The following MGMT variants were observed in gnomAD, a reference collection of about 807,000 sequenced individuals.
MGMT encodes O-6-methylguanine-DNA methyltransferase.
Under a neutral mutation model 15.9 loss-of-function variants are expected in MGMT, and 14 were observed. That is an observed-to-expected ratio of 0.88 (90% CI 0.58 to 1.37). MGMT has a LOEUF of 1.37. MGMT is among the 40% of genes most tolerant of loss of function. The pLI, the probability that MGMT is intolerant of heterozygous loss-of-function variation, is 0.00. For missense variants in MGMT, 282 were observed against 268.1 expected (o/e 1.05, Z -0.36); for synonymous variants, 130 against 118.2 (o/e 1.10, Z -0.65).
At chr10:129,470,140 C>A (rs1274668945) in intron 1 of MGMT, among the ~76,000 whole-genome samples, 6 of 152,266 alleles carry the variant, frequency 3.9e-5, no homozygotes, top group African/African-American at 1.2e-4. Context: ...GCCCTTCGCC[C>A]CACTCTTGTT....
intron 1 of MGMT, among the ~76,000 whole-genome samples, chr10:129,467,609 C>T (rs1300061423): frequency 1.3e-5 from 2 of 152,226 alleles, no homozygotes; most frequent in East Asian, 1.9e-4. Flanking sequence ...TTCTTCCTAC[C>T]CTTCCATGCT....
chr10:129,678,347 G>C (rs56880178), intron 2 of MGMT, among the ~76,000 whole-genome samples: 3 of 151,748 alleles, frequency 2.0e-5, no homozygotes, highest in African/African-American at 4.8e-5. Flanking sequence ...TCCAGGCCCC[G>C]CTGCCCTGGC....
intron 4 of MGMT, among the ~76,000 whole-genome samples, chr10:129,762,586 C>T (rs1445753666): frequency 6.6e-6 from 1 of 152,144 alleles, no homozygotes; most frequent in Non-Finnish European, 1.5e-5. Context: ...GAAAACTCCT[C>T]ACGACCCACC....
intron 2 of MGMT, among the ~76,000 whole-genome samples, chr10:129,551,691 CTCT>C (rs1248360741): frequency 2.0e-5 from 3 of 152,184 alleles, no homozygotes; most frequent in African/African-American, 7.2e-5. Context: ...TTTCCTTACT[CTCT>C]TATTTATTTA....
At chr10:129,641,294 TAAATA>T (rs948709869) in intron 2 of MGMT, among the ~76,000 whole-genome samples, 4 of 152,158 alleles carry the variant, frequency 2.6e-5, no homozygotes, top group Non-Finnish European at 5.9e-5. Context: ...TACAAAACCT[TAAATA>T]AAATAACATT....
chr10:129,716,272 G>A (rs1188986099), intron 3 of MGMT, among the ~76,000 whole-genome samples: 5 of 152,210 alleles, frequency 3.3e-5, no homozygotes, highest in Non-Finnish European at 5.9e-5. Flanking sequence ...ACTCTGGCGA[G>A]CCCACCCTCT....
rs374273970 is a variant in MGMT, at chr10:129,767,012, A to G, written c.*15A>G. On this transcript the variant is annotated 3_prime_UTR_variant, in exon 5 of 5. Transcript: ENST00000651593. ...GCCGAAACTGAGTATGTGCAGTAGG[A>G]TGGATGTTTGAGCGACACACACGTG... is the stretch of plus-strand genomic sequence containing the variant. The G allele has an allele frequency of 3.7e-5, 58 of 1,572,132 alleles. No homozygotes were observed. The Middle Eastern group carries it at 5.1e-4, about 14-fold the overall frequency.
intron 1 of MGMT, among the ~76,000 whole-genome samples, chr10:129,486,637 A>G (rs1845411937): frequency 6.6e-6 from 1 of 151,996 alleles, no homozygotes; most frequent in African/African-American, 2.4e-5. Flanking sequence ...TAAGAAACAT[A>G]AAAAAATTTA....
intron 3 of MGMT, among the ~76,000 whole-genome samples, chr10:129,708,453 CACTT>C (rs1251589850): frequency 6.6e-6 from 1 of 152,198 alleles, no homozygotes; most frequent in Non-Finnish European, 1.5e-5. Flanking sequence ...CTGTTGGTGA[CACTT>C]ACATCATAGC....
At chr10:129,523,330 G>A (rs1295993186) in intron 1 of MGMT, among the ~76,000 whole-genome samples, 8 of 152,282 alleles carry the variant, frequency 5.3e-5, no homozygotes, top group African/African-American at 1.9e-4. Flanking sequence ...TATCGCGGAT[G>A]TTAGCATAGG....
intron 2 of MGMT, among the ~76,000 whole-genome samples, chr10:129,583,780 A>G (rs1274192036): frequency 6.6e-6 from 1 of 152,188 alleles, no homozygotes; most frequent in African/African-American, 2.4e-5. Context: ...ATTCCATTCA[A>G]CAGATGGAAA....
At chr10:129,734,990 A>G (rs1848543619) in intron 3 of MGMT, among the ~76,000 whole-genome samples, 1 of 152,078 alleles carries the variant, frequency 6.6e-6, no homozygotes. Context: ...TTTTTGCATC[A>G]ATGTTAATTA....
At chr10:129,595,985 A>G (rs1314200668) in intron 2 of MGMT, among the ~76,000 whole-genome samples, 1 of 152,156 alleles carries the variant, frequency 6.6e-6, no homozygotes, top group Non-Finnish European at 1.5e-5. Context: ...AGAGCTGGAT[A>G]TAGAATTATA....
At chr10:129,472,041 C>T (rs1228058469) in intron 1 of MGMT, among the ~76,000 whole-genome samples, 6 of 152,202 alleles carry the variant, frequency 3.9e-5, no homozygotes, top group South Asian at 2.1e-4. Flanking sequence ...ACGCGAAGCA[C>T]GGGCAACCCG....
intron 2 of MGMT, among the ~76,000 whole-genome samples, chr10:129,570,275 A>G (rs1273486739): frequency 1.3e-5 from 2 of 152,274 alleles, no homozygotes; most frequent in East Asian, 1.9e-4. Flanking sequence ...TTGTTGTTCA[A>G]GAAATCCTGG....
chr10:129,661,425 C>T (rs930513285), intron 2 of MGMT, among the ~76,000 whole-genome samples: 3 of 152,166 alleles, frequency 2.0e-5, no homozygotes, highest in African/African-American at 7.2e-5. Flanking sequence ...GTCCATTTCT[C>T]ACACCTCTGC....
chr10:129,763,218 G>GA (rs1419372565), intron 4 of MGMT, among the ~76,000 whole-genome samples: 4 of 152,158 alleles, frequency 2.6e-5, no homozygotes, highest in Non-Finnish European at 5.9e-5. Context: ...CTTGGTTATT[G>GA]ATAAAAATTA....
chr10:129,673,946 T>C (rs1382719219), intron 2 of MGMT, among the ~76,000 whole-genome samples: 4 of 152,198 alleles, frequency 2.6e-5, no homozygotes, highest in Non-Finnish European at 4.4e-5. Flanking sequence ...AGCAGCAGTG[T>C]GGTTGCTTCT....
intron 1 of MGMT, among the ~76,000 whole-genome samples, chr10:129,517,341 C>G (rs1014260667): frequency 2.6e-5 from 4 of 152,178 alleles, no homozygotes; most frequent in Admixed American, 2.0e-4. Flanking sequence ...CACAGGCTCC[C>G]CAGAGCACAT....
Sources: allele counts gnomAD v4.1 joint callset (sites outside exome capture counted in the v4.1 genomes callset), GRCh38; gene constraint gnomAD v4.1.1; transcripts MANE v1.5; gene names NCBI Gene and HGNC (gene_info 2026-07-23, HGNC 2026-07-21).